The following TOP6BL variants were observed in gnomAD, a reference collection of about 807,000 sequenced individuals.
TOP6BL encodes the protein TOP6B like initiator of meiotic double strand breaks.
chr11:66,842,548 C>T, the TOP6BL span, among the ~76,000 whole-genome samples: 1 of 152,134 alleles, frequency 6.6e-6, no homozygotes, highest in Admixed American at 6.5e-5. Context: ...GGGAGCTTGT[C>T]AGTGCAGACT....
At chr11:66,814,587 C>T in the TOP6BL span, among the ~76,000 whole-genome samples, 1 of 152,058 alleles carries the variant, frequency 6.6e-6, no homozygotes, top group African/African-American at 2.4e-5. Context: ...GATACTGGTT[C>T]TCCTCTTACT....
chr11:66,802,936 G>A, the TOP6BL span, among the ~76,000 whole-genome samples: 1 of 152,144 alleles, frequency 6.6e-6, no homozygotes, highest in Non-Finnish European at 1.5e-5. Flanking sequence ...AAAGGGAAAG[G>A]TTCATTAATA....
the TOP6BL span, among the ~76,000 whole-genome samples, chr11:66,829,301 G>A: frequency 2.0e-5 from 3 of 151,070 alleles, no homozygotes; most frequent in South Asian, 6.3e-4. Context: ...TACAGGCCGC[G>A]TGTGGTGGCT....
chr11:66,824,201 T>C, the TOP6BL span, among the ~76,000 whole-genome samples: 6 of 152,060 alleles, frequency 3.9e-5, no homozygotes, highest in African/African-American at 1.4e-4. Context: ...AGAGGTGATT[T>C]AGGTCATTAG....
At chr11:66,762,504 C>T in the TOP6BL span, 1 of 245,650 alleles carries the variant, frequency 4.1e-6, no homozygotes, top group Non-Finnish European at 7.8e-6. Flanking sequence ...GAGTCTCGCT[C>T]TGTCGCCCAG....
At chr11:66,828,736 C>A in the TOP6BL span, 1 of 167,880 alleles carries the variant, frequency 6.0e-6, no homozygotes, top group Non-Finnish European at 1.3e-5. Context: ...GTCAATCGTA[C>A]TGACTGGAGC....
chr11:66,812,235 G>A, the TOP6BL span, among the ~76,000 whole-genome samples: 1 of 146,960 alleles, frequency 6.8e-6, no homozygotes. Flanking sequence ...GGAGTGCAGT[G>A]GCGCAATCTC....
chr11:66,800,793 C>A, the TOP6BL span: 1 of 1,172,162 alleles, frequency 8.5e-7, no homozygotes, highest in Non-Finnish European at 1.2e-6. Flanking sequence ...AGTTTGATAT[C>A]TTGACCCAAA....
the TOP6BL span, among the ~76,000 whole-genome samples, chr11:66,806,489 C>T: frequency 2.0e-5 from 3 of 152,020 alleles, no homozygotes; most frequent in Non-Finnish European, 2.9e-5. Flanking sequence ...GAGAACAGGC[C>T]GGACACGGTG....
At chr11:66,757,423 G>A in the TOP6BL span, among the ~76,000 whole-genome samples, 1 of 152,096 alleles carries the variant, frequency 6.6e-6, no homozygotes, top group Non-Finnish European at 1.5e-5. Context: ...TTGGAAGTGT[G>A]TATCATTTAT....
chr11:66,758,994 G>T, the TOP6BL span: 1 of 1,354,912 alleles, frequency 7.4e-7, no homozygotes, highest in South Asian at 1.4e-5. Context: ...TCTTTCAATA[G>T]AATGCATTTA....
At chr11:66,762,247 G>T in the TOP6BL span, 2 of 554,344 alleles carry the variant, frequency 3.6e-6, no homozygotes, top group East Asian at 6.5e-5. Context: ...CCCGGCCGCA[G>T]AACACGCGCG....
At chr11:66,761,904 G>C in the TOP6BL span, 2 of 1,268,310 alleles carry the variant, frequency 1.6e-6, no homozygotes, top group Admixed American at 1.7e-5. Flanking sequence ...ATTCTTTATA[G>C]CTTCAACCAC....
chr11:66,815,806 A>G, the TOP6BL span: 2 of 375,392 alleles, frequency 5.3e-6, no homozygotes, highest in African/African-American at 2.0e-5. Context: ...CTTCTCAGTA[A>G]TGTAAAGGAG....
chr11:66,817,564 G>A, the TOP6BL span, among the ~76,000 whole-genome samples: 3 of 152,142 alleles, frequency 2.0e-5, no homozygotes, highest in East Asian at 3.9e-4. Context: ...TCAGCCTCCT[G>A]AGTAGCTGGA....
chr11:66,799,458 A>C, the TOP6BL span, among the ~76,000 whole-genome samples: 16 of 151,164 alleles, frequency 1.1e-4, no homozygotes, highest in African/African-American at 3.9e-4. Flanking sequence ...GCAGAAGTAA[A>C]ACTTTGGGAA....
chr11:66,794,962 G>A, the TOP6BL span, among the ~76,000 whole-genome samples: 19 of 151,968 alleles, frequency 1.3e-4, no homozygotes, highest in South Asian at 2.7e-3. Flanking sequence ...GCGAAACCCC[G>A]TCTCTACAGA....
At chr11:66,773,123 A>G in the TOP6BL span, among the ~76,000 whole-genome samples, 2 of 151,824 alleles carry the variant, frequency 1.3e-5, no homozygotes, top group African/African-American at 4.8e-5. Flanking sequence ...AGGCTGGAGT[A>G]TGGTGGGGCG....
chr11:66,775,112 C>CA, the TOP6BL span, among the ~76,000 whole-genome samples: 32,462 of 57,468 alleles, frequency 0.56, 9,378 homozygotes, highest in South Asian at 0.69. Context: ...GACTCTGTCT[C>CA]AAAAAAAAAA....
Sources: gnomAD v4.1 joint callset for allele counts (sites outside exome capture counted in the v4.1 genomes callset) on GRCh38, gnomAD v4.1.1 for gene constraint, MANE v1.5 for transcripts, NCBI Gene and HGNC (gene_info 2026-07-23, HGNC 2026-07-21) for gene names.